PTPRT: variants seen among roughly 807,000 people sequenced by gnomAD.
PTPRT encodes protein tyrosine phosphatase receptor type T.
A neutral mutation model predicts 176.8 loss-of-function variants in PTPRT; 56 were observed. The ratio of observed to expected loss-of-function variants is 0.32; its 90% CI spans 0.26 to 0.40. The LOEUF is 0.40. PTPRT is among the 10% of genes least tolerant of loss of function. The pLI, the probability that PTPRT is intolerant of heterozygous loss-of-function variation, is 1.00. For synonymous variants in PTPRT, 783 were observed against 739.0 expected, an observed-to-expected ratio of 1.06 and a Z score of -0.96; for missense variants, 1,540 against 1,908.2, an observed-to-expected ratio of 0.81 and a Z score of 3.60.
chr20:42,731,791 C>T (rs2076464851), intron 6 of PTPRT, among the ~76,000 whole-genome samples: 2 of 152,176 alleles, frequency 1.3e-5, no homozygotes, highest in South Asian at 4.1e-4. Flanking sequence ...CTATCCCAGC[C>T]ACATCAACCA....
intron 7 of PTPRT, among the ~76,000 whole-genome samples, chr20:42,576,673 G>T (rs8123391): frequency 0.2 from 29,971 of 152,094 alleles, 5,030 homozygotes; most frequent in African/African-American, 0.43. Flanking sequence ...CTGGCTTTCA[G>T]AATCTTCTGT....
At chr20:42,387,801 T>G in intron 9 of PTPRT, among the ~76,000 whole-genome samples, 1 of 151,524 alleles carries the variant, frequency 6.6e-6, no homozygotes. Context: ...TCTTTTTTTT[T>G]TTTTTTTTGA....
chr20:42,423,478 G>A (rs1031217321), intron 9 of PTPRT, among the ~76,000 whole-genome samples: 18 of 152,058 alleles, frequency 1.2e-4, no homozygotes, highest in African/African-American at 3.1e-4. Context: ...CTCATCCTGT[G>A]CCCAGGCCCC....
chr20:42,581,849 A>G (rs1041668109), intron 7 of PTPRT, among the ~76,000 whole-genome samples: 2 of 152,224 alleles, frequency 1.3e-5, no homozygotes, highest in Non-Finnish European at 2.9e-5. Context: ...ATGCAGTGGA[A>G]TTCTTTCTTA....
At chr20:43,185,836 G>A (rs2015376221) in intron 1 of PTPRT, among the ~76,000 whole-genome samples, 1 of 152,104 alleles carries the variant, frequency 6.6e-6, no homozygotes, top group Non-Finnish European at 1.5e-5. Context: ...GGAGGCGGAG[G>A]CAGGAGAATT....
intron 13 of PTPRT, among the ~76,000 whole-genome samples, chr20:42,276,522 TA>T: frequency 1.6e-4 from 6 of 36,476 alleles, no homozygotes; most frequent in East Asian, 1.3e-3. Context: ...TATATATATA[TA>T]TATATATATA....
chr20:43,160,105 C>T (rs571873581), intron 1 of PTPRT, among the ~76,000 whole-genome samples: 2 of 152,206 alleles, frequency 1.3e-5, no homozygotes, highest in South Asian at 2.1e-4. Context: ...GCAGAACAGA[C>T]GTGGGCCCAG....
At chr20:42,619,918 T>C (rs1377916645) in intron 7 of PTPRT, among the ~76,000 whole-genome samples, 1 of 146,828 alleles carries the variant, frequency 6.8e-6, no homozygotes, top group Non-Finnish European at 1.5e-5. Flanking sequence ...AATTTGATCA[T>C]CTGAAGCCTT....
At chr20:42,974,732 G>A (rs374270222) in intron 1 of PTPRT, among the ~76,000 whole-genome samples, 1 of 152,260 alleles carries the variant, frequency 6.6e-6, no homozygotes, top group Non-Finnish European at 1.5e-5. Flanking sequence ...GACTGTATTC[G>A]CATTACCCAC....
chr20:42,791,672 A>G (rs1392538897), intron 2 of PTPRT, among the ~76,000 whole-genome samples: 2 of 152,240 alleles, frequency 1.3e-5, no homozygotes, highest in East Asian at 3.8e-4. Flanking sequence ...AATCTATTCA[A>G]TAAGGTGGTT....
chr20:43,140,102 T>C (rs1012747010), intron 1 of PTPRT, among the ~76,000 whole-genome samples: 2 of 152,198 alleles, frequency 1.3e-5, no homozygotes. Flanking sequence ...TCAGTGATAA[T>C]TTATGCAAAA....
intron 13 of PTPRT, among the ~76,000 whole-genome samples, chr20:42,273,460 C>A (rs2147012545): frequency 6.6e-6 from 1 of 152,288 alleles, no homozygotes; most frequent in Admixed American, 6.5e-5. Context: ...GGTGATCCAC[C>A]CGCCTCAGCC....
intron 27 of PTPRT, among the ~76,000 whole-genome samples, 178 bp from the exon 28 acceptor site, chr20:42,086,031 TCTGCCTCCCAGGTTCAAGTGATTCTC>T (rs1315144541): frequency 6.6e-6 from 1 of 151,884 alleles, no homozygotes; most frequent in Non-Finnish European, 1.5e-5. Flanking sequence ...CACTGCAACC[TCTGCCTCCCAGGTTCAAGTGATTCTC>T]CTGCCTCAGC....
intron 2 of PTPRT, among the ~76,000 whole-genome samples, chr20:42,847,803 G>A (rs1396027071): frequency 3.9e-5 from 6 of 152,192 alleles, no homozygotes; most frequent in Non-Finnish European, 7.3e-5. Flanking sequence ...AAGAGGCAGT[G>A]ATGTTTCCAT....
chr20:42,827,987 G>A (rs1475706826), intron 2 of PTPRT, among the ~76,000 whole-genome samples: 1 of 152,190 alleles, frequency 6.6e-6, no homozygotes, highest in African/African-American at 2.4e-5. Flanking sequence ...TACCAGTAGA[G>A]TAGGGTGCTG....
chr20:42,511,484 G>T (rs1322421306), intron 7 of PTPRT, among the ~76,000 whole-genome samples: 1 of 151,838 alleles, frequency 6.6e-6, no homozygotes, highest in Non-Finnish European at 1.5e-5. Flanking sequence ...CAAATGCACT[G>T]AATATAGTAC....
At chr20:43,090,158 C>T (rs2011764253) in intron 1 of PTPRT, among the ~76,000 whole-genome samples, 1 of 152,138 alleles carries the variant, frequency 6.6e-6, no homozygotes, top group Non-Finnish European at 1.5e-5. Context: ...AAAACTGACT[C>T]CAGGAAAAAT....
intron 1 of PTPRT, among the ~76,000 whole-genome samples, chr20:43,146,176 C>G (rs565066864): frequency 1.3e-5 from 2 of 152,266 alleles, no homozygotes; most frequent in East Asian, 3.9e-4. Flanking sequence ...CTTGAGATTA[C>G]AACATAATCC....
chr20:42,263,322 C>T (rs1035457199), intron 13 of PTPRT, among the ~76,000 whole-genome samples: 3 of 148,232 alleles, frequency 2.0e-5, no homozygotes, highest in African/African-American at 7.5e-5. Flanking sequence ...TGGGCTCAAG[C>T]GATCTTCCCA....
Sources: gnomAD v4.1 joint callset for allele counts (sites outside exome capture counted in the v4.1 genomes callset) on GRCh38, gnomAD v4.1.1 for gene constraint, MANE v1.5 for transcripts, NCBI Gene and HGNC (gene_info 2026-07-23, HGNC 2026-07-21) for gene names.